GLT1D1: variants seen among roughly 807,000 people sequenced by gnomAD.
GLT1D1 encodes glycosyltransferase 1 domain containing 1, also known as glycosyltransferase 1 domain-containing protein 1.
In GLT1D1, 21 loss-of-function variants were observed where a neutral mutation model predicts 28.7. The observed-to-expected ratio is 0.73, with a 90% CI of 0.52 to 1.05. The LOEUF (loss-of-function observed/expected upper bound fraction) is 1.05. Ranked by LOEUF, GLT1D1 falls within the 50% of genes least tolerant of loss-of-function variation. GLT1D1 has a pLI of 0.00. For synonymous variants in GLT1D1, 147 were observed against 124.8 expected (o/e 1.18, Z -1.19); for missense variants, 343 against 330.6 (o/e 1.04, Z -0.29).
rs115397869 is a variant in GLT1D1 at position 128,969,307 on chromosome 12, C to G, written c.639+11664C>G. 3.7e-3 allele frequency among the ~76,000 whole-genome samples: 562 copies of G among 152,250 alleles called. 1 individual carries two copies. The highest frequency in any genetic ancestry group is 0.013 in the African/African-American group (540 of 41,552). The stretch of plus-strand genomic sequence containing the variant: ...TCTCTCTCTCTCTCCCTGTCTCCCT[C>G]CCTCCCCTCCTCTCCTGTTTTACAC... On this transcript the variant is annotated intron_variant, in intron 7 of 7. Transcript: ENST00000281703.
At chr12:128,941,064 A>G (rs1314441393) in intron 4 of GLT1D1, among the ~76,000 whole-genome samples, 2 of 152,156 alleles carry the variant, frequency 1.3e-5, no homozygotes, top group Non-Finnish European at 2.9e-5. Context: ...CATTTCATAG[A>G]CATGGAATCA....
Position 128,977,983 on chromosome 12 carries a change from C to T in GLT1D1, c.640-4946C>T. ...TATTTTTGGTAGAGACAGGGTTTAA[C>T]CATGTTGGCCAGGTTGGTCTGGAAC... is the stretch of plus-strand genomic sequence containing the variant. On this transcript the variant is annotated intron_variant, in intron 7 of 7. Coordinates refer to ENST00000281703, the MANE Select transcript of GLT1D1 (RefSeq NM_144669.3). Among the ~76,000 whole-genome samples the T allele has an allele frequency of 1.3e-5, 2 of 151,758 alleles. 1 individual carries two copies. Among genetic ancestry groups the T allele is most frequent in the Non-Finnish European group, 2.9e-5 (2 of 67,982 alleles).
chr12:128,854,415 G>C (rs1292799619), intron 1 of GLT1D1, among the ~76,000 whole-genome samples: 2 of 151,374 alleles, frequency 1.3e-5, no homozygotes, highest in East Asian at 3.9e-4. Context: ...GTGTGTGTGT[G>C]TGTGTGTGTG....
chr12:128,924,265 A>G (rs1476298906), intron 4 of GLT1D1, among the ~76,000 whole-genome samples: 1 of 151,724 alleles, frequency 6.6e-6, no homozygotes, highest in Non-Finnish European at 1.5e-5. Flanking sequence ...CATCTCCACT[A>G]AAAATACAAA....
intron 6 of GLT1D1, among the ~76,000 whole-genome samples, chr12:128,956,493 G>A (rs1877329706): frequency 6.6e-6 from 1 of 152,166 alleles, no homozygotes; most frequent in Admixed American, 6.5e-5. Flanking sequence ...ATCATTATAA[G>A]TCAGAGACCA....
chr12:128,874,043 GCCTC>G (rs1328548143), intron 1 of GLT1D1, among the ~76,000 whole-genome samples: 4 of 25,426 alleles, frequency 1.6e-4, no homozygotes, highest in African/African-American at 7.1e-4. Flanking sequence ...CTCCCTCCCT[GCCTC>G]CCTCCCTCCC....
chr12:128,864,641 CCT>C (rs1956470739), intron 1 of GLT1D1, among the ~76,000 whole-genome samples: 3 of 152,134 alleles, frequency 2.0e-5, no homozygotes, highest in Non-Finnish European at 4.4e-5. Context: ...GAGAGTAGAG[CCT>C]GATTCGGGGA....
chr12:128,882,348 G>A (rs187662794), intron 2 of GLT1D1, among the ~76,000 whole-genome samples: 4 of 150,108 alleles, frequency 2.7e-5, no homozygotes, highest in Non-Finnish European at 4.4e-5. Flanking sequence ...TGAGATCTTG[G>A]CTCACTGAAC....
rs145571083 is a variant in GLT1D1, at chr12:128,924,296, G to A, written c.376-21030G>A. On this transcript the variant is annotated intron_variant, in intron 4 of 7. Transcript: ENST00000281703. ...ACAAAAAGTAGCTCGGGGTGGTGGTGTGTGCCTGTAATCCCAGCTACTTGG... is the reference window on the plus strand; with the variant it reads ...ACAAAAAGTAGCTCGGGGTGGTGGTATGTGCCTGTAATCCCAGCTACTTGG... Among the ~76,000 whole-genome samples the A allele has an allele frequency of 7.3e-3, 1,109 of 151,860 alleles. 16 individuals are homozygous for A. The highest frequency in any genetic ancestry group is 0.026 in the African/African-American group (1,058 of 41,478).
intron 2 of GLT1D1, 78 bp from the exon 3 acceptor site, chr12:128,888,561 A>G: frequency 4.3e-6 from 4 of 932,176 alleles, no homozygotes; most frequent in Non-Finnish European, 5.1e-6. Flanking sequence ...TTCAGTGTTT[A>G]AGATCCTTGC....
intron 6 of GLT1D1, among the ~76,000 whole-genome samples, chr12:128,952,873 G>A (rs145619171): frequency 5.4e-5 from 7 of 128,582 alleles, no homozygotes; most frequent in Admixed American, 9.9e-5. Flanking sequence ...CCACCTCCCC[G>A]GTTCAAGTGA....
At chr12:128,940,945 G>T (rs749203515) in intron 4 of GLT1D1, among the ~76,000 whole-genome samples, 3 of 152,084 alleles carry the variant, frequency 2.0e-5, no homozygotes, top group Non-Finnish European at 2.9e-5. Flanking sequence ...TATCCACTAA[G>T]CAGTCACTTC....
At chr12:128,919,171 A>C (rs1390794512) in intron 4 of GLT1D1, among the ~76,000 whole-genome samples, 1 of 152,138 alleles carries the variant, frequency 6.6e-6, no homozygotes, top group Non-Finnish European at 1.5e-5. Context: ...GTCCTCATCA[A>C]CCTTACTCTA....
chr12:128,897,571 T>C (rs990377188), intron 3 of GLT1D1, among the ~76,000 whole-genome samples: 1 of 152,234 alleles, frequency 6.6e-6, no homozygotes, highest in Admixed American at 6.5e-5. Context: ...TTTTTTTACT[T>C]AGCTCCTGAA....
chr12:128,866,034 T>G (rs1046041827), intron 1 of GLT1D1, among the ~76,000 whole-genome samples: 6 of 152,094 alleles, frequency 3.9e-5, no homozygotes, highest in Non-Finnish European at 8.8e-5. Context: ...TCCTTGGATT[T>G]TGTTATCCAC....
chr12:128,876,646 AT>A (rs940941005), intron 2 of GLT1D1, among the ~76,000 whole-genome samples: 2 of 152,156 alleles, frequency 1.3e-5, no homozygotes, highest in African/African-American at 4.8e-5. Context: ...TTCAAAATAT[AT>A]TTTTTTCAAA....
intron 1 of GLT1D1, among the ~76,000 whole-genome samples, chr12:128,855,393 T>C (rs1241870132): frequency 6.7e-6 from 1 of 150,046 alleles, no homozygotes; most frequent in East Asian, 2.0e-4. Flanking sequence ...GAAACCCTCA[T>C]CTCTACAAAA....
intron 7 of GLT1D1, among the ~76,000 whole-genome samples, chr12:128,973,348 A>AT (rs369304204): frequency 0.15 from 17,776 of 118,782 alleles, 1,567 homozygotes; most frequent in African/African-American, 0.22. Flanking sequence ...ACACCTGGCT[A>AT]TTTTTTTTTT....
intron 7 of GLT1D1, among the ~76,000 whole-genome samples, chr12:128,962,792 C>T (rs373483520): frequency 7.9e-5 from 12 of 152,102 alleles, no homozygotes; most frequent in South Asian, 4.2e-4. Flanking sequence ...ACCTCTGCCT[C>T]CCGGGTTCAA....
Sources: gnomAD v4.1 joint callset for allele counts (sites outside exome capture counted in the v4.1 genomes callset) on GRCh38, gnomAD v4.1.1 for gene constraint, MANE v1.5 for transcripts, NCBI Gene and HGNC (gene_info 2026-07-23, HGNC 2026-07-21) for gene names.